The following KIF21A variants were observed in gnomAD, a reference collection of about 807,000 sequenced individuals.
KIF21A encodes the protein kinesin family member 21A, also known as kinesin-like protein KIF21A.
Under a neutral mutation model 202.9 loss-of-function variants are expected in KIF21A, and 114 were observed. The observed-to-expected ratio is 0.56, with a 90% CI of 0.48 to 0.66. The LOEUF is 0.66. Among genes scored for constraint, KIF21A ranks in the 30% least tolerant of loss-of-function variants. KIF21A has a pLI of 0.00. For missense variants in KIF21A, 1,677 were observed against 1,994.9 expected (o/e 0.84, Z 3.04); for synonymous variants, 667 against 670.8 (o/e 0.99, Z 0.09).
intron 12 of KIF21A, among the ~76,000 whole-genome samples, chr12:39,343,658 C>T (rs1947640065): frequency 6.6e-6 from 1 of 152,048 alleles, no homozygotes; most frequent in Non-Finnish European, 1.5e-5. Context: ...TTCTACTGAG[C>T]ACTATGAATA....
At position 39,358,193 on chromosome 12, in the gene KIF21A, G is replaced by C. The variant is rs1948941610; in HGVS notation, c.1200C>G (p.Leu400=). The C allele has an allele frequency of 6.2e-7, 1 of 1,613,942 alleles. No individual in the cohort carries two copies. Among genetic ancestry groups the C allele is most frequent in the African/African-American group, 1.3e-5 (1 of 75,012 alleles). The change falls in exon 8 of 38, where the codon CTC becomes CTG. Residue 400 remains leucine (L), a synonymous_variant. Coordinates refer to ENST00000361418, the MANE Select transcript of KIF21A (RefSeq NM_001173464.2). ...ATTAGCTTACTGTTTTGTACTCCAT[G>C]AGCTCCATCTGAAGTCGTGTGATTT... is the stretch of plus-strand genomic sequence containing the variant. The part of the protein sequence containing the change: ...RSEITRLQME[L]MEYKTGKRII...
rs1346942612 is a variant in KIF21A, at chr12:39,322,845, T to C, written c.3494A>G (p.Tyr1165Cys). The C allele has an allele frequency of 1.3e-6, 2 of 1,593,282 alleles. No homozygotes were observed. The highest frequency in any genetic ancestry group is 8.5e-7 in the Non-Finnish European group (1 of 1,171,794). Residue 1165 changes from tyrosine (Y) to cysteine (C), a missense_variant, in exon 27 of 38, where the codon TAT becomes TGT. By Grantham distance (194) the Tyr-to-Cys change is radical (BLOSUM62 -2). Transcript: ENST00000361418. ...RRTTTQMELL[Y>C]ADSSELASDT... ...TGAAGCTAGTTCACTGCTATCTGCA[T>C]ACAGCAATTCCATCTGAGTGGTGGT...
At chr12:39,433,309 C>A (rs987708570) in intron 1 of KIF21A, among the ~76,000 whole-genome samples, 6 of 151,984 alleles carry the variant, frequency 3.9e-5, no homozygotes, top group African/African-American at 1.5e-4. Flanking sequence ...TATATAAGTT[C>A]TATTAATGAG....
At chr12:39,296,931 A>C (rs1438696327) in intron 37 of KIF21A, among the ~76,000 whole-genome samples, 2 of 152,208 alleles carry the variant, frequency 1.3e-5, no homozygotes, top group Non-Finnish European at 1.5e-5. Flanking sequence ...TTTTGTGTTG[A>C]GTGTAGACTA....
Position 39,309,454 on chromosome 12 carries a change from T to C in KIF21A, c.4277+132A>G, listed in dbSNP as rs541657791. 150 of 655,980 alleles carry C rather than the reference T, an allele frequency of 2.3e-4. No homozygotes were observed. The East Asian group carries it at 4.0e-3, about 18-fold the overall frequency. The allele number at this position is 655,980 out of a possible 1,614,324, so 40.6% of individuals were successfully genotyped here. A position where few individuals can be genotyped will look rare whatever the true frequency, so the allele number is the denominator to read the frequency against. On this transcript the variant is annotated intron_variant, in intron 33 of 37. Coordinates refer to ENST00000361418, the MANE Select transcript of KIF21A (RefSeq NM_001173464.2). ...GTGCTTTTCTTTGTGAACACTTTAA[T>C]ATCCTCTGGGAAGTGGACAGGTATA...
chr12:39,408,825 TG>T (rs200304830), intron 1 of KIF21A, among the ~76,000 whole-genome samples: 2 of 145,024 alleles, frequency 1.4e-5, no homozygotes, highest in African/African-American at 5.3e-5. Context: ...GGTTTTTTTT[TG>T]TTTTTTTTTT....
chr12:39,407,204 A>G (rs1952663113), intron 1 of KIF21A, among the ~76,000 whole-genome samples: 1 of 152,208 alleles, frequency 6.6e-6, no homozygotes, highest in Non-Finnish European at 1.5e-5. Flanking sequence ...TTTATGCTAG[A>G]GATTTCTCAT....
Position 39,322,991 on chromosome 12 carries a change from C to CT in KIF21A, c.3457-110dup. 3.6e-6 allele frequency: 3 copies of CT among 824,004 alleles called. No homozygotes were observed. The South Asian group carries it at 5.6e-5, about 15-fold the overall frequency. The allele number at this position is 824,004 out of a possible 1,614,324, so 51.0% of individuals were successfully genotyped here. A position where few individuals can be genotyped will look rare whatever the true frequency, so the allele number is the denominator to read the frequency against. ...GAAATAGGTAAAACATTTAGCGTGT[C>CT]TTTTCCTAGGTGTGCCAAACATAGC... On this transcript the variant is annotated intron_variant, in intron 26 of 37. Transcript: ENST00000361418.
At chr12:39,365,728 G>C (rs2139077011) in intron 6 of KIF21A, among the ~76,000 whole-genome samples, 1 of 152,242 alleles carries the variant, frequency 6.6e-6, no homozygotes, top group East Asian at 1.9e-4. Flanking sequence ...TTAAATTTTG[G>C]GCCAAGCGCA....
Position 39,322,831 on chromosome 12 carries a change from C to T in KIF21A, c.3508G>A (p.Glu1170Lys). ...QMELLYADSS[E>K]LASDTSTGDA... Reference sequence around the variant, plus strand: ...CCTGTACTAGTGTCTGAAGCTAGTTCACTGCTATCTGCATACAGCAATTCC... The same window carrying T: ...CCTGTACTAGTGTCTGAAGCTAGTTTACTGCTATCTGCATACAGCAATTCC... The change falls in exon 27 of 38, where the codon GAA (glutamate) becomes AAA (lysine). Residue 1170 changes from glutamate (E) to lysine (K), a missense_variant. This residue lies in a region of KIF21A where 705 missense variants were observed against 791.9 expected (regional missense o/e 0.89). Coordinates refer to ENST00000361418, the MANE Select transcript of KIF21A (RefSeq NM_001173464.2). 1 of 1,609,634 alleles carries T rather than the reference C, an allele frequency of 6.2e-7. No individual in the cohort carries two copies.
rs1035249552 is a variant in KIF21A at position 39,443,054 on chromosome 12, T to C, written c.-84A>G. 1.6e-5 allele frequency: 22 copies of C among 1,384,518 alleles called. No homozygotes were observed. Among genetic ancestry groups the C allele is most frequent in the East Asian group, 2.9e-5 (1 of 34,396 alleles). The allele number at this position is 1,384,518 out of a possible 1,614,324, so 85.8% of individuals were successfully genotyped here. ...CTGGGGCCGCGGGACTCGGGCGCAG[T>C]AGGCTGGGGCGTCTGCGGGCGGGCG... On this transcript the variant is annotated 5_prime_UTR_variant, in exon 1 of 38. Transcript: ENST00000361418.
At chr12:39,300,700 C>T (rs897454025) in intron 37 of KIF21A, among the ~76,000 whole-genome samples, 1 of 151,942 alleles carries the variant, frequency 6.6e-6, no homozygotes, top group Non-Finnish European at 1.5e-5. Context: ...TATATATGTA[C>T]TATATATAAT....
chr12:39,412,832 C>A (rs1302656097), intron 1 of KIF21A, among the ~76,000 whole-genome samples: 2 of 152,166 alleles, frequency 1.3e-5, no homozygotes, highest in African/African-American at 2.4e-5. Context: ...CCACGTCAAG[C>A]CCTCAAAGAT....
chr12:39,338,643 G>C (rs905349535), intron 16 of KIF21A, among the ~76,000 whole-genome samples: 4 of 152,152 alleles, frequency 2.6e-5, no homozygotes, highest in African/African-American at 9.7e-5. Flanking sequence ...TTGCAGGTTT[G>C]GTTCCAGAGC....
At chr12:39,364,667 A>T (rs543470738) in intron 6 of KIF21A, among the ~76,000 whole-genome samples, 2 of 152,318 alleles carry the variant, frequency 1.3e-5, no homozygotes, top group African/African-American at 4.8e-5. Context: ...CCTTTGCAAA[A>T]TTCATATCAG....
intron 1 of KIF21A, among the ~76,000 whole-genome samples, chr12:39,420,517 T>C (rs560001855): frequency 1.8e-4 from 27 of 152,278 alleles, no homozygotes; most frequent in African/African-American, 6.0e-4. Flanking sequence ...TCCTCAAATG[T>C]GTCTCCACTC....
In KIF21A at chr12:39,396,688, G is replaced by A. The variant is rs112864969; in HGVS notation, c.45-26427C>T. On this transcript the variant is annotated intron_variant, in intron 1 of 37. Coordinates refer to ENST00000361418, the MANE Select transcript of KIF21A (RefSeq NM_001173464.2). ...GAAGAAAAGTCAAGCCAGGAGAGAC[G>A]AAGTAATTTGCCCAAGTTCCCAAAC... Among the ~76,000 whole-genome samples the A allele has an allele frequency of 8.6e-3, 1,302 of 152,274 alleles. 19 individuals carry two copies. Among genetic ancestry groups the A allele is most frequent in the African/African-American group, 0.029 (1,224 of 41,554 alleles).
intron 32 of KIF21A, among the ~76,000 whole-genome samples, chr12:39,310,827 T>C (rs531187934): frequency 6.6e-6 from 1 of 152,140 alleles, no homozygotes; most frequent in East Asian, 1.9e-4. Flanking sequence ...TTACTTGCAA[T>C]TGTACAAAAG....
intron 15 of KIF21A, 40 bp downstream of exon 15, chr12:39,340,866 T>G: frequency 7.0e-7 from 1 of 1,419,926 alleles, no homozygotes; most frequent in Non-Finnish European, 9.9e-7. Flanking sequence ...ATTTTGAAGA[T>G]TTAGCTTGAA....
Sources: gnomAD v4.1 joint callset for allele counts (sites outside exome capture counted in the v4.1 genomes callset) on GRCh38, gnomAD v4.1.1 for gene constraint, gnomAD v4.1.1 regional missense constraint, MANE v1.5 for transcripts, NCBI Gene and HGNC (gene_info 2026-07-23, HGNC 2026-07-21) for gene names.